LRFN2: variants seen among roughly 807,000 people sequenced by gnomAD.
LRFN2 encodes the protein leucine rich repeat and fibronectin type III domain containing 2, also known as leucine-rich repeat and fibronectin type-III domain-containing protein 2.
Under a neutral mutation model 37.3 loss-of-function variants are expected in LRFN2, and 18 were observed. The ratio of observed to expected loss-of-function variants is 0.48; its 90% CI spans 0.33 to 0.72. LRFN2 has a LOEUF of 0.72. Ranked by LOEUF, LRFN2 falls within the 30% of genes least tolerant of loss-of-function variation. The pLI is 0.02. For missense variants in LRFN2, 1,006 were observed against 1,060.7 expected (o/e 0.95, Z 0.72); for synonymous variants, 556 against 466.6 (o/e 1.19, Z -2.47).
intron 2 of LRFN2, among the ~76,000 whole-genome samples, chr6:40,423,288 C>T (rs1188551715): frequency 1.3e-5 from 2 of 152,310 alleles, no homozygotes; most frequent in East Asian, 1.9e-4. Flanking sequence ...TCCAAGTTTA[C>T]AGCTCTGTTG....
At chr6:40,419,421 TC>T (rs1397085160) in intron 2 of LRFN2, among the ~76,000 whole-genome samples, 4 of 152,048 alleles carry the variant, frequency 2.6e-5, no homozygotes, top group Non-Finnish European at 5.9e-5. Flanking sequence ...CTCCTGGGGC[TC>T]CAGGATGAGA....
chr6:40,441,260 G>A (rs557263648), intron 1 of LRFN2, among the ~76,000 whole-genome samples: 2 of 152,328 alleles, frequency 1.3e-5, no homozygotes, highest in African/African-American at 2.4e-5. Context: ...CGCATGAATG[G>A]AGGGAGGCCC....
chr6:40,424,104 A>G (rs1191889187), intron 2 of LRFN2, among the ~76,000 whole-genome samples: 1 of 152,200 alleles, frequency 6.6e-6, no homozygotes, highest in African/African-American at 2.4e-5. Flanking sequence ...TTGTCACTTC[A>G]CAGTGGCTTA....
chr6:40,461,320 A>G (rs1242579283), intron 1 of LRFN2, among the ~76,000 whole-genome samples: 1 of 152,114 alleles, frequency 6.6e-6, no homozygotes, highest in Non-Finnish European at 1.5e-5. Context: ...AAGTGGGAGG[A>G]TTGCTTGAGC....
At chr6:40,481,923 C>T (rs963910359) in intron 1 of LRFN2, among the ~76,000 whole-genome samples, 20 of 152,216 alleles carry the variant, frequency 1.3e-4, no homozygotes, top group African/African-American at 4.8e-4. Flanking sequence ...GTTCTAAGTG[C>T]TTTACATATG....
chr6:40,574,299 G>A (rs1003436557), intron 1 of LRFN2, among the ~76,000 whole-genome samples: 4 of 152,128 alleles, frequency 2.6e-5, no homozygotes, highest in South Asian at 2.1e-4. Flanking sequence ...TTTACAGAAG[G>A]GGAAAGTGAG....
At chr6:40,579,228 G>C (rs1036731801) in intron 1 of LRFN2, among the ~76,000 whole-genome samples, 2 of 152,172 alleles carry the variant, frequency 1.3e-5, no homozygotes, top group African/African-American at 4.8e-5. Flanking sequence ...TGTGACTCTG[G>C]ACAGAGAGTC....
chr6:40,441,250 C>A (rs1191421663), intron 1 of LRFN2, among the ~76,000 whole-genome samples: 3 of 152,042 alleles, frequency 2.0e-5, no homozygotes, highest in Non-Finnish European at 2.9e-5. Flanking sequence ...TGAGTGTCTG[C>A]GCATGAATGG....
intron 2 of LRFN2, among the ~76,000 whole-genome samples, chr6:40,406,056 G>A (rs1301864248): frequency 1.3e-5 from 2 of 152,124 alleles, no homozygotes; most frequent in Non-Finnish European, 2.9e-5. Flanking sequence ...CTTCATGGAG[G>A]GGATAAAGCC....
chr6:40,548,791 T>C (rs1411184838), intron 1 of LRFN2, among the ~76,000 whole-genome samples: 1 of 152,216 alleles, frequency 6.6e-6, no homozygotes, highest in Non-Finnish European at 1.5e-5. Context: ...ACATGCAGCC[T>C]ACATCTGCTA....
At chr6:40,539,751 G>T (rs1015805925) in intron 1 of LRFN2, among the ~76,000 whole-genome samples, 1 of 152,128 alleles carries the variant, frequency 6.6e-6, no homozygotes, top group African/African-American at 2.4e-5. Flanking sequence ...GCAAATAAAC[G>T]GAGATCTAAA....
At chr6:40,427,803 A>G (rs1439876804) in intron 2 of LRFN2, among the ~76,000 whole-genome samples, 2 of 152,146 alleles carry the variant, frequency 1.3e-5, no homozygotes, top group East Asian at 1.9e-4. Flanking sequence ...CTATCTCAGA[A>G]TCACCACCAT....
intron 2 of LRFN2, among the ~76,000 whole-genome samples, chr6:40,406,974 G>A (rs1208576189): frequency 1.3e-5 from 2 of 152,154 alleles, no homozygotes; most frequent in Admixed American, 6.5e-5. Flanking sequence ...CATCACACTT[G>A]TGGACACCAC....
intron 1 of LRFN2, among the ~76,000 whole-genome samples, chr6:40,474,992 G>A (rs1210068544): frequency 6.6e-6 from 1 of 152,144 alleles, no homozygotes. Context: ...TCCCAAGGGT[G>A]GTCCTGAAGA....
At chr6:40,561,333 C>A (rs1258056491) in intron 1 of LRFN2, among the ~76,000 whole-genome samples, 1 of 152,202 alleles carries the variant, frequency 6.6e-6, no homozygotes, top group Non-Finnish European at 1.5e-5. Flanking sequence ...CCCCAAGGAC[C>A]TTTTGCAGTG....
At chr6:40,444,341 A>G (rs1763916109) in intron 1 of LRFN2, among the ~76,000 whole-genome samples, 1 of 152,142 alleles carries the variant, frequency 6.6e-6, no homozygotes, top group Non-Finnish European at 1.5e-5. Context: ...GAAACAACAA[A>G]CCCACAGTCT....
chr6:40,493,169 A>G (rs1337102936), intron 1 of LRFN2, among the ~76,000 whole-genome samples: 1 of 152,132 alleles, frequency 6.6e-6, no homozygotes, highest in Non-Finnish European at 1.5e-5. Flanking sequence ...CTGAGACCCG[A>G]GCCAAGGCTG....
At chr6:40,562,384 G>A (rs1298784537) in intron 1 of LRFN2, among the ~76,000 whole-genome samples, 1 of 152,056 alleles carries the variant, frequency 6.6e-6, no homozygotes, top group Non-Finnish European at 1.5e-5. Flanking sequence ...GCTTCCTGGG[G>A]TTGGATGAGT....
chr6:40,577,829 A>T (rs1389730279), intron 1 of LRFN2, among the ~76,000 whole-genome samples: 37 of 92,084 alleles, frequency 4.0e-4, no homozygotes, highest in African/African-American at 1.1e-3. Context: ...AAAAATAAAA[A>T]TAAATAAAAA....
Sources: gnomAD v4.1 joint callset for allele counts (sites outside exome capture counted in the v4.1 genomes callset) on GRCh38, gnomAD v4.1.1 for gene constraint, MANE v1.5 for transcripts, NCBI Gene and HGNC (gene_info 2026-07-23, HGNC 2026-07-21) for gene names.